Variants in SCAPER observed in about 807,000 individuals in gnomAD.
SCAPER encodes S-phase cyclin A associated protein in the ER.
In SCAPER, 98 loss-of-function variants were observed where a neutral mutation model predicts 182.2. The ratio of observed to expected loss-of-function variants is 0.54; its 90% CI spans 0.46 to 0.64. The LOEUF is 0.64. Among genes scored for constraint, SCAPER ranks in the 30% least tolerant of loss-of-function variants. The probability of loss-of-function intolerance (pLI) is 0.00; values close to 1 mark genes in which losing one functional copy is unlikely to be tolerated. For synonymous variants in SCAPER, 605 were observed against 564.6 expected (o/e 1.07, Z -1.01); for missense variants, 1,432 against 1,690.0 (o/e 0.85, Z 2.68).
At chr15:76,418,083 T>A (rs989593075) in intron 26 of SCAPER, among the ~76,000 whole-genome samples, 6 of 152,096 alleles carry the variant, frequency 3.9e-5, no homozygotes, top group Middle Eastern at 3.4e-3. Flanking sequence ...CCAATTAGAG[T>A]TGCCTGGTGG....
chr15:76,732,383 A>C (rs1157069659), intron 16 of SCAPER, among the ~76,000 whole-genome samples: 1 of 152,216 alleles, frequency 6.6e-6, no homozygotes, highest in Non-Finnish European at 1.5e-5. Flanking sequence ...ATATTATAAT[A>C]ATCCTTGCTC....
intron 22 of SCAPER, among the ~76,000 whole-genome samples, chr15:76,588,369 C>T (rs370606102): frequency 2.0e-5 from 3 of 152,244 alleles, no homozygotes; most frequent in Non-Finnish European, 2.9e-5. Flanking sequence ...CTTTTTCAAT[C>T]GCTGTTGCTT....
chr15:76,436,392 T>C (rs1219311946), intron 25 of SCAPER, among the ~76,000 whole-genome samples: 1 of 152,170 alleles, frequency 6.6e-6, no homozygotes, highest in African/African-American at 2.4e-5. Context: ...GAACCTAGAC[T>C]GAGCTTCTAA....
intron 1 of SCAPER, among the ~76,000 whole-genome samples, chr15:76,893,623 AT>A (rs1453037054): frequency 6.6e-6 from 1 of 152,186 alleles, no homozygotes; most frequent in Non-Finnish European, 1.5e-5. Flanking sequence ...AATATACAAC[AT>A]TTTCAAGCAC....
At chr15:76,558,018 A>C (rs2046321574) in intron 23 of SCAPER, among the ~76,000 whole-genome samples, 1 of 152,224 alleles carries the variant, frequency 6.6e-6, no homozygotes, top group Non-Finnish European at 1.5e-5. Flanking sequence ...TTAAAGACTT[A>C]AATATATAAT....
intron 8 of SCAPER, among the ~76,000 whole-genome samples, chr15:76,792,631 AAAG>A (rs1238608503): frequency 6.6e-6 from 1 of 152,248 alleles, no homozygotes; most frequent in Non-Finnish European, 1.5e-5. Context: ...GATGACATTT[AAAG>A]AAGCCCAGGA....
At chr15:76,414,460 C>T (rs1341005623) in intron 26 of SCAPER, among the ~76,000 whole-genome samples, 1 of 151,534 alleles carries the variant, frequency 6.6e-6, no homozygotes, top group Non-Finnish European at 1.5e-5. Flanking sequence ...TTGAATGCAG[C>T]TGGAGGAAAA....
At chr15:76,820,183 AT>A (rs1277931744) in intron 5 of SCAPER, among the ~76,000 whole-genome samples, 3 of 152,132 alleles carry the variant, frequency 2.0e-5, no homozygotes, top group African/African-American at 7.2e-5. Context: ...CGGTGTGGCG[AT>A]TCCTCAGGGA....
chr15:76,765,102 A>G, intron 13 of SCAPER, 30 bp from the exon 14 acceptor site: 1 of 1,445,124 alleles, frequency 6.9e-7, no homozygotes, highest in Non-Finnish European at 9.4e-7. Context: ...GACAAGAGAC[A>G]TGAAATGTTT....
chr15:76,750,883 C>T (rs1446423816), intron 15 of SCAPER, among the ~76,000 whole-genome samples: 14 of 151,728 alleles, frequency 9.2e-5, no homozygotes, highest in Admixed American at 8.5e-4. Flanking sequence ...ACCAGAAGTT[C>T]AAGCCAGAAA....
chr15:76,787,192 G>A (rs774287092), intron 8 of SCAPER, among the ~76,000 whole-genome samples: 1 of 151,982 alleles, frequency 6.6e-6, no homozygotes, highest in Non-Finnish European at 1.5e-5. Flanking sequence ...AAACAATTTT[G>A]AAAAAGAAAA....
intron 20 of SCAPER, among the ~76,000 whole-genome samples, chr15:76,696,786 T>C (rs2058676520): frequency 1.3e-5 from 2 of 152,200 alleles, no homozygotes. Flanking sequence ...TTAAAACTAC[T>C]ACCCATTTTT....
chr15:76,435,863 G>C (rs1053388696), intron 25 of SCAPER, among the ~76,000 whole-genome samples: 18 of 152,216 alleles, frequency 1.2e-4, no homozygotes, highest in African/African-American at 4.3e-4. Context: ...TTCAGTGCAC[G>C]CCCTGTAGAA....
chr15:76,355,694 C>A (rs532380498), intron 29 of SCAPER, among the ~76,000 whole-genome samples: 2 of 152,354 alleles, frequency 1.3e-5, no homozygotes, highest in Admixed American at 6.5e-5. Context: ...TTAAAGACAA[C>A]TCCTGGTGCC....
At chr15:76,567,697 C>T (rs570912161) in intron 23 of SCAPER, among the ~76,000 whole-genome samples, 2 of 152,188 alleles carry the variant, frequency 1.3e-5, no homozygotes, top group Non-Finnish European at 2.9e-5. Flanking sequence ...TCCTCTTGAC[C>T]ATTATCCTAC....
chr15:76,820,238 G>A (rs1160695214), intron 5 of SCAPER, among the ~76,000 whole-genome samples: 1 of 152,034 alleles, frequency 6.6e-6, no homozygotes, highest in East Asian at 1.9e-4. Flanking sequence ...CCCATTACTG[G>A]GTATATACCC....
chr15:76,722,647 A>T (rs1205125217), intron 17 of SCAPER, among the ~76,000 whole-genome samples: 1 of 151,948 alleles, frequency 6.6e-6, no homozygotes, highest in Non-Finnish European at 1.5e-5. Flanking sequence ...CTTCCTGGTT[A>T]AGTCTTGGGA....
chr15:76,353,127 C>G lies in SCAPER; in HGVS notation c.4047+822G>C, dbSNP rs16968116. ...GCTGGGTACTATCATATCCTTTTGA[C>G]AGAGATAGATGTATATTCACCAGAA... is the stretch of plus-strand genomic sequence containing the variant. On this transcript the variant is annotated intron_variant, in intron 30 of 31. Transcript: ENST00000563290. Among the ~76,000 whole-genome samples, 798 of 152,224 alleles carry G rather than the reference C, an allele frequency of 5.2e-3. 11 individuals are homozygous for G. The highest frequency in any genetic ancestry group is 0.018 in the African/African-American group (739 of 41,526).
chr15:76,666,713 C>T (rs2056599202), intron 20 of SCAPER, among the ~76,000 whole-genome samples: 1 of 152,172 alleles, frequency 6.6e-6, no homozygotes, highest in Non-Finnish European at 1.5e-5. Flanking sequence ...CTTAAATCTC[C>T]AATATCCGTC....
Sources: gnomAD v4.1 joint callset for allele counts (sites outside exome capture counted in the v4.1 genomes callset) on GRCh38, gnomAD v4.1.1 for gene constraint, MANE v1.5 for transcripts, NCBI Gene and HGNC (gene_info 2026-07-23, HGNC 2026-07-21) for gene names.